Variants in PRDM2 observed in about 807,000 individuals in gnomAD.
The protein encoded by PRDM2 is PR/SET domain 2.
In PRDM2, 30 loss-of-function variants were observed where a neutral mutation model predicts 130.0. The observed-to-expected ratio is 0.23, with a 90% CI of 0.17 to 0.31. The LOEUF (loss-of-function observed/expected upper bound fraction) is 0.31. Among genes scored for constraint, PRDM2 ranks in the 10% least tolerant of loss-of-function variants. The pLI, the probability that PRDM2 is intolerant of heterozygous loss-of-function variation, is 1.00. For synonymous variants in PRDM2, 871 were observed against 782.4 expected (o/e 1.11, Z -1.89); for missense variants, 2,011 against 2,108.4 (o/e 0.95, Z 0.90).
At chr1:13,747,152 A>G (rs939656223) in intron 5 of PRDM2, among the ~76,000 whole-genome samples, 25 of 152,220 alleles carry the variant, frequency 1.6e-4, no homozygotes, top group Non-Finnish European at 4.4e-5. Context: ...GTCCGGTGGT[A>G]TCTTCTAGCC....
At chr1:13,766,391 G>A (rs1345303908) in intron 6 of PRDM2, among the ~76,000 whole-genome samples, 1 of 152,234 alleles carries the variant, frequency 6.6e-6, no homozygotes, top group East Asian at 1.9e-4. Flanking sequence ...GTTGTCAAAT[G>A]TGAAGGAGAA....
At chr1:13,754,930 T>A (rs767951886) in intron 6 of PRDM2, among the ~76,000 whole-genome samples, 2 of 152,156 alleles carry the variant, frequency 1.3e-5, no homozygotes, top group Non-Finnish European at 2.9e-5. Context: ...GGTTGGTCAG[T>A]CTTGGAGGGG....
At chr1:13,753,021 C>G (rs368646125) in intron 6 of PRDM2, among the ~76,000 whole-genome samples, 2 of 152,212 alleles carry the variant, frequency 1.3e-5, no homozygotes, top group Non-Finnish European at 2.9e-5. Context: ...GGAGGAACTA[C>G]TGAGTTGGTG....
At chr1:13,753,761 GGGGATGTT>G (rs1175991964) in intron 6 of PRDM2, among the ~76,000 whole-genome samples, 1 of 152,136 alleles carries the variant, frequency 6.6e-6, no homozygotes, top group East Asian at 1.9e-4. Flanking sequence ...GTGGCAGGAT[GGGGATGTT>G]TCAGAAGAGA....
intron 8 of PRDM2, among the ~76,000 whole-genome samples, chr1:13,788,323 A>G (rs1007646070): frequency 6.6e-6 from 1 of 152,180 alleles, no homozygotes; most frequent in Non-Finnish European, 1.5e-5. Context: ...TTGTGAACTC[A>G]CTCGGGTAAG....
chr1:13,816,998 T>C (rs900175412), intron 9 of PRDM2, among the ~76,000 whole-genome samples: 3 of 152,242 alleles, frequency 2.0e-5, no homozygotes, highest in African/African-American at 7.2e-5. Context: ...CAGTTCTTAA[T>C]TGCCTCAGAG....
At chr1:13,755,992 C>T (rs1643941281) in intron 6 of PRDM2, among the ~76,000 whole-genome samples, 1 of 151,724 alleles carries the variant, frequency 6.6e-6, no homozygotes, top group Non-Finnish European at 1.5e-5. Flanking sequence ...TGGCTCACAC[C>T]TGTAATCCCA....
chr1:13,725,805 C>T (rs1642895337), intron 2 of PRDM2, among the ~76,000 whole-genome samples: 1 of 152,182 alleles, frequency 6.6e-6, no homozygotes, highest in South Asian at 2.1e-4. Flanking sequence ...TTGTGGGCCC[C>T]AGAAAGGGAA....
At chr1:13,744,439 C>A (rs116252893) in intron 5 of PRDM2, among the ~76,000 whole-genome samples, 2,802 of 152,238 alleles carry the variant, frequency 0.018, 63 homozygotes, top group South Asian at 0.12. Flanking sequence ...AGTGCTTATA[C>A]ATGATTGTTG....
chr1:13,714,765 A>G (rs1034257280), intron 1 of PRDM2, among the ~76,000 whole-genome samples: 2 of 152,212 alleles, frequency 1.3e-5, no homozygotes, highest in African/African-American at 2.4e-5. Context: ...TGGTATGTGT[A>G]TGTAAACGTG....
chr1:13,722,754 A>G (rs1642772528), intron 2 of PRDM2: 2 of 473,594 alleles, frequency 4.2e-6, no homozygotes, highest in Non-Finnish European at 8.5e-6. Context: ...CCCTCAGGTG[A>G]CTTATTTTCT....
intron 6 of PRDM2, among the ~76,000 whole-genome samples, chr1:13,770,074 G>C (rs1333479589): frequency 6.6e-6 from 1 of 152,150 alleles, no homozygotes. Context: ...TTGGTACCCT[G>C]TAGTGGTCTG....
At chr1:13,822,106 T>C (rs1271980847) in intron 9 of PRDM2, among the ~76,000 whole-genome samples, 1 of 152,174 alleles carries the variant, frequency 6.6e-6, no homozygotes, top group Non-Finnish European at 1.5e-5. Flanking sequence ...TGACTGATGC[T>C]GAACATGTGG....
intron 2 of PRDM2, among the ~76,000 whole-genome samples, chr1:13,720,119 C>T (rs1642675187): frequency 6.6e-6 from 1 of 152,114 alleles, no homozygotes; most frequent in Non-Finnish European, 1.5e-5. Flanking sequence ...ATAATACTTG[C>T]TGATAATTCT....
At chr1:13,731,425 GTGT>G (rs1643107515) in intron 3 of PRDM2, among the ~76,000 whole-genome samples, 1 of 152,098 alleles carries the variant, frequency 6.6e-6, no homozygotes. Flanking sequence ...CCCACAGAAC[GTGT>G]TGTTCCCTTC....
chr1:13,702,974 G>C (rs1642112110), intron 1 of PRDM2, among the ~76,000 whole-genome samples: 1 of 152,210 alleles, frequency 6.6e-6, no homozygotes, highest in African/African-American at 2.4e-5. Context: ...CCTTACCACA[G>C]ATAACTGCCG....
Position 13,778,876 on chromosome 1 carries a change from C to G in PRDM2, c.1081C>G (p.Pro361Ala), listed in dbSNP as rs1009219848. Residue 361 changes from proline to alanine, a missense_variant, in exon 8 of 10, where the codon CCG (proline) becomes GCG (alanine). Pro to Ala is a conservative substitution (Grantham distance 27). This residue lies in a region of PRDM2 where 1,288 missense variants were observed against 1,237.7 expected (regional missense o/e 1.04). Transcript: ENST00000311066. ...NGDVFETFMF[P>A]CQHCERKFTT... is the part of the protein sequence containing the mutation. ...TGATGTATTTGAAACGTTTATGTTT[C>G]CGTGTCAACATTGTGAAAGGAAGTT... 2.5e-6 allele frequency: 4 copies of G among 1,614,116 alleles called. No individual in the cohort carries two copies. The highest frequency in any genetic ancestry group is 1.6e-4 in the Middle Eastern group (1 of 6,084).
intron 2 of PRDM2, among the ~76,000 whole-genome samples, chr1:13,725,457 G>A (rs1021031127): frequency 1.3e-5 from 2 of 151,970 alleles, no homozygotes; most frequent in Non-Finnish European, 2.9e-5. Context: ...TGCCTGCCTC[G>A]GCCTCCCAAA....
rs1485810350 is a variant in PRDM2, at chr1:13,806,264, G to A, written c.5037-10163G>A. Among the ~76,000 whole-genome samples the A allele has an allele frequency of 3.5e-5, 5 of 142,114 alleles. No individual in the cohort carries two copies. Among genetic ancestry groups the A allele is most frequent in the African/African-American group, 1.1e-4 (4 of 36,028 alleles). 93.2% of individuals were successfully genotyped at this position (142,114 alleles called of 152,430 possible). A position where few individuals can be genotyped will look rare whatever the true frequency, so the allele number is the denominator to read the frequency against. ...CCTCCATCCCTGGGCTCTGTCCCCC[G>A]CATCCCGCCTCCATCCCTGGGCTCT... is the stretch of plus-strand genomic sequence containing the variant. On this transcript the variant is annotated intron_variant, in intron 8 of 9. Transcript: ENST00000311066. The surrounding 1 kb of genome is among the most constrained non-coding windows in gnomAD (Gnocchi z 4.1).
Sources: gnomAD v4.1 joint callset for allele counts (sites outside exome capture counted in the v4.1 genomes callset) on GRCh38, gnomAD v4.1.1 for gene constraint, gnomAD v4.1.1 regional missense constraint, Gnocchi (gnomAD v3.1) non-coding constraint, MANE v1.5 for transcripts, NCBI Gene and HGNC (gene_info 2026-07-23, HGNC 2026-07-21) for gene names.